Variants in ADAMTS14 observed in about 807,000 individuals in gnomAD.
ADAMTS14 encodes ADAM metallopeptidase with thrombospondin type 1 motif 14.
Under a neutral mutation model 128.6 loss-of-function variants are expected in ADAMTS14, and 100 were observed. That is an observed-to-expected ratio of 0.78 (90% CI 0.66 to 0.92). The LOEUF (loss-of-function observed/expected upper bound fraction) is 0.92. Ranked by LOEUF, ADAMTS14 falls within the 40% of genes least tolerant of loss-of-function variation. The probability of loss-of-function intolerance (pLI) is 0.00; values close to 1 mark genes in which losing one functional copy is unlikely to be tolerated. For synonymous variants in ADAMTS14, 665 were observed against 653.8 expected (o/e 1.02, Z -0.26); for missense variants, 1,562 against 1,658.6 (o/e 0.94, Z 1.01).
At chr10:70,707,388 G>A (rs1210259719) in intron 3 of ADAMTS14, among the ~76,000 whole-genome samples, 2 of 152,140 alleles carry the variant, frequency 1.3e-5, no homozygotes, top group African/African-American at 4.8e-5. Flanking sequence ...AGAAATTAAT[G>A]GTATGAGTAT....
chr10:70,712,136 G>T (rs928101392), intron 4 of ADAMTS14, among the ~76,000 whole-genome samples: 1 of 152,098 alleles, frequency 6.6e-6, no homozygotes, highest in Admixed American at 6.5e-5. Flanking sequence ...CCCAGACTCT[G>T]CAAATCACAG....
At chr10:70,746,949 A>T (rs1418479706) in intron 15 of ADAMTS14, among the ~76,000 whole-genome samples, 1 of 152,022 alleles carries the variant, frequency 6.6e-6, no homozygotes, top group Non-Finnish European at 1.5e-5. Context: ...AATGTCACAG[A>T]GGCCCCTCTT....
At chr10:70,702,247 C>T (rs998983860) in intron 2 of ADAMTS14, 65 bp from the exon 3 acceptor site, 8 of 1,605,906 alleles carry the variant, frequency 5.0e-6, no homozygotes, top group Admixed American at 1.7e-5. Context: ...GCTCGCCTGT[C>T]GGCTGTACTG....
chr10:70,696,048 C>T (rs957067990), intron 2 of ADAMTS14, among the ~76,000 whole-genome samples: 1 of 152,188 alleles, frequency 6.6e-6, no homozygotes, highest in Non-Finnish European at 1.5e-5. Flanking sequence ...ACAACGCTTT[C>T]TGCTGTGGAG....
chr10:70,691,504 A>C (rs1589268195), intron 2 of ADAMTS14, among the ~76,000 whole-genome samples: 1 of 112,562 alleles, frequency 8.9e-6, no homozygotes, highest in Non-Finnish European at 2.3e-5. Context: ...AAAAAAAAAA[A>C]AAAAACAAAG....
rs762559142 is a variant in ADAMTS14 at position 70,734,028 on chromosome 10, C to G, written c.1352C>G (p.Pro451Arg). Reference protein sequence around the residue: ...CSKLELSRYLPSYDCLLDDPF... With the variant: ...CSKLELSRYLRSYDCLLDDPF... ...AAGCTGGAGCTCAGCCGCTACCTCC[C>G]GTAGGTCATTCCTGCCCTCAGAGCT... The change falls in exon 8 of 22, where the codon CCC (proline) becomes CGC (arginine). Residue 451 changes from proline to arginine, a missense_variant and splice_region_variant. Coordinates refer to ENST00000373207, the MANE Select transcript of ADAMTS14 (RefSeq NM_080722.4). 6.2e-7 allele frequency: 1 copy of G among 1,612,110 alleles called. No homozygotes were observed. The highest frequency in any genetic ancestry group is 2.2e-5 in the East Asian group (1 of 44,856).
rs1839513126 is a variant in ADAMTS14 at position 70,672,577 on chromosome 10, T to C, written c.-226T>C. The stretch of plus-strand genomic sequence containing the variant: ...CGCTGGCGCGTCAGTGGCCCCGCTC[T>C]CCAGCCGGCAGCCTCGCGCGCCCGG... On this transcript the variant is annotated 5_prime_UTR_variant, in exon 1 of 22. Coordinates refer to ENST00000373207, the MANE Select transcript of ADAMTS14 (RefSeq NM_080722.4). Among the ~76,000 whole-genome samples, 1 of 151,458 alleles carries C rather than the reference T, an allele frequency of 6.6e-6. No individual in the cohort carries two copies. Among genetic ancestry groups the C allele is most frequent in the South Asian group, 2.1e-4 (1 of 4,832 alleles).
chr10:70,737,244 A>G (rs1408185593), intron 10 of ADAMTS14, among the ~76,000 whole-genome samples: 1 of 152,064 alleles, frequency 6.6e-6, no homozygotes, highest in Non-Finnish European at 1.5e-5. Flanking sequence ...TTCTCCCCAC[A>G]CCAACCTCCT....
At chr10:70,722,446 C>T (rs1164901962) in intron 4 of ADAMTS14, among the ~76,000 whole-genome samples, 8 of 152,176 alleles carry the variant, frequency 5.3e-5, no homozygotes, top group African/African-American at 1.9e-4. Context: ...TTTCCAAGGC[C>T]TGGGCTTGTC....
chr10:70,749,750 A>G, intron 15 of ADAMTS14, 72 bp from the exon 16 acceptor site: 1 of 1,543,068 alleles, frequency 6.5e-7, no homozygotes, highest in South Asian at 1.2e-5. Flanking sequence ...AAGGCCTTGA[A>G]TTTCATATTC....
chr10:70,681,043 G>A (rs1256135613), intron 2 of ADAMTS14, among the ~76,000 whole-genome samples: 2 of 152,230 alleles, frequency 1.3e-5, no homozygotes, highest in African/African-American at 4.8e-5. Context: ...GGCATTATCT[G>A]ACTGGCCCTT....
chr10:70,708,472 T>G, intron 3 of ADAMTS14, 116 bp from the exon 4 acceptor site: 1 of 895,196 alleles, frequency 1.1e-6, no homozygotes, highest in East Asian at 2.6e-5. Context: ...ACTACTTTAC[T>G]TACAGAGGCA....
intron 7 of ADAMTS14, 49 bp downstream of exon 7, chr10:70,732,408 T>G: frequency 6.7e-7 from 1 of 1,489,410 alleles, no homozygotes; most frequent in Non-Finnish European, 9.3e-7. Context: ...TGCCGTGAGC[T>G]CCAGGGAATT....
intron 3 of ADAMTS14, among the ~76,000 whole-genome samples, chr10:70,706,479 C>T (rs147731532): frequency 1.4e-3 from 210 of 152,324 alleles, no homozygotes; most frequent in African/African-American, 2.7e-3. Context: ...GAGAGCCTTG[C>T]GCCTTCCCCT....
chr10:70,690,789 C>T (rs1230037028), intron 2 of ADAMTS14, among the ~76,000 whole-genome samples: 2 of 145,170 alleles, frequency 1.4e-5, no homozygotes, highest in African/African-American at 4.9e-5. Context: ...AGCGTTCAAA[C>T]TGCAGGGCCT....
intron 2 of ADAMTS14, among the ~76,000 whole-genome samples, chr10:70,701,032 T>G (rs1483035683): frequency 6.6e-6 from 1 of 152,250 alleles, no homozygotes; most frequent in Admixed American, 6.5e-5. Flanking sequence ...GCCTCCTGAT[T>G]GGGCCTGTTT....
chr10:70,714,946 CAAAAAAAA>C (rs58012076), intron 4 of ADAMTS14, among the ~76,000 whole-genome samples: 8 of 63,030 alleles, frequency 1.3e-4, no homozygotes, highest in African/African-American at 3.7e-4. Flanking sequence ...ACTGCAGTCT[CAAAAAAAA>C]AAAAAAAAAA....
chr10:70,699,588 T>C (rs1451073772), intron 2 of ADAMTS14, among the ~76,000 whole-genome samples: 1 of 152,062 alleles, frequency 6.6e-6, no homozygotes, highest in African/African-American at 2.4e-5. Context: ...GAAAGGTCTG[T>C]AGCCCATGAT....
intron 1 of ADAMTS14, 30 bp downstream of exon 1, chr10:70,672,914 G>A: frequency 7.0e-7 from 1 of 1,435,172 alleles, no homozygotes; most frequent in Non-Finnish European, 9.1e-7. Flanking sequence ...GCGGGGGCCC[G>A]TGGGGTCCGG....
Sources: allele counts gnomAD v4.1 joint callset (sites outside exome capture counted in the v4.1 genomes callset), GRCh38; gene constraint gnomAD v4.1.1; transcripts MANE v1.5; gene names NCBI Gene and HGNC (gene_info 2026-07-23, HGNC 2026-07-21).